The following MSTO1 variants were observed in gnomAD, a reference collection of about 807,000 sequenced individuals.
MSTO1 encodes the protein protein misato homolog 1.
A neutral mutation model predicts 55.7 loss-of-function variants in MSTO1; 24 were observed. The ratio of observed to expected loss-of-function variants is 0.43; its 90% CI spans 0.31 to 0.61. MSTO1 has a LOEUF of 0.61. MSTO1 is among the 20% of genes least tolerant of loss of function. The pLI, the probability that MSTO1 is intolerant of heterozygous loss-of-function variation, is 0.09. For missense variants in MSTO1, 363 were observed against 625.7 expected, an observed-to-expected ratio of 0.58 and a Z score of 4.48; for synonymous variants, 162 against 252.8, an observed-to-expected ratio of 0.64 and a Z score of 3.41.
At chr1:155,603,257 T>G in the MSTO1 span, among the ~76,000 whole-genome samples, 2 of 151,332 alleles carry the variant, frequency 1.3e-5, no homozygotes, top group African/African-American at 4.9e-5. Context: ...CCCAGCTACT[T>G]GAGTGGCCCC....
chr1:155,608,971 C>A (rs1424862482), upstream of MSTO1, among the ~76,000 whole-genome samples: 2 of 150,164 alleles, frequency 1.3e-5, no homozygotes, highest in Admixed American at 1.3e-4. Flanking sequence ...GTACAAGGGC[C>A]CGCCACCACG....
In MSTO1 at chr1:155,614,051, C is replaced by T; in HGVS notation, c.1499-8C>T. The T allele has an allele frequency of 6.4e-7, 1 of 1,553,832 alleles. No homozygotes were observed. The highest frequency in any genetic ancestry group is 1.2e-5 in the South Asian group (1 of 81,184). On this transcript the variant is annotated splice_polypyrimidine_tract_variant and splice_region_variant and intron_variant, in intron 13 of 13. Transcript: ENST00000245564. ...ATCTACAGGTCTCTGTTTCCTCTCC[C>T]TCCACAGCAGTGGAGAGCATCCCAG...
chr1:155,597,007 T>C, the MSTO1 span, among the ~76,000 whole-genome samples: 4 of 152,128 alleles, frequency 2.6e-5, no homozygotes, highest in Non-Finnish European at 4.4e-5. Flanking sequence ...CTTGTGAGGC[T>C]GAGGTTGGAG....
intron 13 of MSTO1, 32 bp from the exon 14 acceptor site, chr1:155,614,027 T>C (rs777401957): frequency 3.7e-6 from 6 of 1,602,642 alleles, no homozygotes; most frequent in Non-Finnish European, 3.4e-6. Context: ...TAATCATCCA[T>C]CTACAGGTCT....
upstream of MSTO1, among the ~76,000 whole-genome samples, chr1:155,608,769 T>C (rs2148977537): frequency 6.6e-6 from 1 of 152,158 alleles, no homozygotes; most frequent in Admixed American, 6.5e-5. Flanking sequence ...CCCAAAGTGC[T>C]GGGATTACAG....
At chr1:155,583,222 CTTTTTTT>C in the MSTO1 span, among the ~76,000 whole-genome samples, 2 of 133,922 alleles carry the variant, frequency 1.5e-5, no homozygotes, top group Non-Finnish European at 3.2e-5. Flanking sequence ...GAAGGTATAT[CTTTTTTT>C]TTTTTTTTTT....
At chr1:155,601,892 C>G in the MSTO1 span, among the ~76,000 whole-genome samples, 1 of 151,994 alleles carries the variant, frequency 6.6e-6, no homozygotes, top group South Asian at 2.1e-4. Flanking sequence ...GTAGCTGGGA[C>G]TACAGGCGCC....
chr1:155,609,234 TATATATATA>T (rs1339540700), upstream of MSTO1, among the ~76,000 whole-genome samples: 4 of 51,056 alleles, frequency 7.8e-5, no homozygotes, highest in South Asian at 2.2e-3. Context: ...TATATATATA[TATATATATA>T]TTTTTTTTTT....
chr1:155,585,993 C>G, the MSTO1 span, among the ~76,000 whole-genome samples: 2 of 152,078 alleles, frequency 1.3e-5, no homozygotes, highest in Non-Finnish European at 2.9e-5. Context: ...TTTTTGAGAT[C>G]CATATTGATG....
chr1:155,566,483 A>G, the MSTO1 span, among the ~76,000 whole-genome samples: 1 of 152,076 alleles, frequency 6.6e-6, no homozygotes, highest in Non-Finnish European at 1.5e-5. Flanking sequence ...AAAATAAGAA[A>G]AATTAGCCAG....
chr1:155,580,521 C>G, the MSTO1 span, among the ~76,000 whole-genome samples: 3 of 151,834 alleles, frequency 2.0e-5, no homozygotes, highest in African/African-American at 7.3e-5. Flanking sequence ...AGCACATAGT[C>G]TTTGGGATAC....
At chr1:155,613,306 G>T (rs765992164) in intron 11 of MSTO1, 73 bp downstream of exon 11, 235 of 1,582,822 alleles carry the variant, frequency 1.5e-4, no homozygotes, top group Non-Finnish European at 1.9e-4. Flanking sequence ...ATTTCTCTGG[G>T]GCATTCTAAT....
the MSTO1 span, among the ~76,000 whole-genome samples, chr1:155,592,417 C>A: frequency 1.3e-5 from 2 of 152,168 alleles, no homozygotes; most frequent in South Asian, 2.1e-4. Flanking sequence ...TCACATGACT[C>A]CTCCTGTTTC....
the MSTO1 span, among the ~76,000 whole-genome samples, chr1:155,590,314 C>T: frequency 6.6e-6 from 1 of 152,072 alleles, no homozygotes. Flanking sequence ...CAAGCAGCCT[C>T]CACATTAGTT....
chr1:155,598,904 G>C, the MSTO1 span: 13 of 1,446,724 alleles, frequency 9.0e-6, no homozygotes, highest in African/African-American at 1.4e-5. Flanking sequence ...CTGATACTAC[G>C]TATTCCAGAT....
chr1:155,568,465 G>A, the MSTO1 span, among the ~76,000 whole-genome samples: 1 of 151,760 alleles, frequency 6.6e-6, no homozygotes, highest in Admixed American at 6.6e-5. Context: ...TTGAGATGCG[G>A]TCTCACTCTG....
the MSTO1 span, among the ~76,000 whole-genome samples, chr1:155,596,420 T>C: frequency 6.6e-6 from 1 of 152,202 alleles, no homozygotes; most frequent in Non-Finnish European, 1.5e-5. Flanking sequence ...TGATGAACAA[T>C]TGGCATCATC....
chr1:155,598,541 G>A, the MSTO1 span, among the ~76,000 whole-genome samples: 1 of 152,300 alleles, frequency 6.6e-6, no homozygotes, highest in South Asian at 2.1e-4. Context: ...GGTCAACATA[G>A]TGAAACTCTG....
At chr1:155,572,498 A>T in the MSTO1 span, among the ~76,000 whole-genome samples, 1 of 151,996 alleles carries the variant, frequency 6.6e-6, no homozygotes, top group African/African-American at 2.4e-5. Context: ...TGGATCACGA[A>T]GTCAGGAGTT....
Sources: allele counts gnomAD v4.1 joint callset (sites outside exome capture counted in the v4.1 genomes callset), GRCh38; gene constraint gnomAD v4.1.1; transcripts MANE v1.5; gene names NCBI Gene and HGNC (gene_info 2026-07-23, HGNC 2026-07-21).